The following ASXL1 variants were observed in gnomAD, a reference collection of about 807,000 sequenced individuals.
ASXL1 encodes polycomb group protein ASXL1.
ASXL1 carries 65 observed loss-of-function variants against 89.1 expected under a neutral mutation model. That is an observed-to-expected ratio of 0.73 (90% CI 0.60 to 0.90). The LOEUF is 0.90. ASXL1 is among the 40% of genes least tolerant of loss of function. ASXL1 has a pLI of 0.00. For missense variants in ASXL1, 1,786 were observed against 1,942.9 expected, an observed-to-expected ratio of 0.92 and a Z score of 1.52; for synonymous variants, 739 against 746.9, an observed-to-expected ratio of 0.99 and a Z score of 0.17.
intron 4 of ASXL1, among the ~76,000 whole-genome samples, chr20:32,384,205 T>G (rs971365243): frequency 6.6e-5 from 9 of 136,276 alleles, no homozygotes; most frequent in African/African-American, 2.4e-4. Flanking sequence ...TCTGTTTTTT[T>G]TTTTTTTTTT....
intron 4 of ASXL1, among the ~76,000 whole-genome samples, chr20:32,410,428 A>C (rs1168957211): frequency 2.0e-5 from 3 of 152,160 alleles, no homozygotes; most frequent in Non-Finnish European, 4.4e-5. Flanking sequence ...GGTGTGAGCC[A>C]CTGTGCCCAG....
At chr20:32,433,037 G>A (rs2123248902) in intron 11 of ASXL1, 52 bp downstream of exon 11, 1 of 1,606,104 alleles carries the variant, frequency 6.2e-7, no homozygotes, top group Non-Finnish European at 8.5e-7. Flanking sequence ...GGGGATAGAG[G>A]TAGATGGTCT....
chr20:32,397,792 T>C (rs2048796172), intron 4 of ASXL1, among the ~76,000 whole-genome samples: 1 of 152,252 alleles, frequency 6.6e-6, no homozygotes, highest in South Asian at 2.1e-4. Flanking sequence ...TGTCCTGGGC[T>C]GTGTGCGACC....
At chr20:32,415,456 G>A (rs1049150537) in intron 4 of ASXL1, among the ~76,000 whole-genome samples, 1 of 152,154 alleles carries the variant, frequency 6.6e-6, no homozygotes, top group Admixed American at 6.5e-5. Flanking sequence ...TCTGGAGTGG[G>A]AGAAGGGTGT....
chr20:32,434,696 G>A lies in ASXL1; in HGVS notation c.1984G>A (p.Gly662Ser), dbSNP rs2145360119. The change falls in exon 13 of 13, where the codon GGC becomes AGC. Residue 662 changes from glycine to serine, a missense_variant. Gly to Ser is a moderately conservative substitution (Grantham distance 56, BLOSUM62 0). Transcript: ENST00000375687. Reference sequence around the variant, plus strand: ...GGCCACCGATGAGGGAGGTGGCAGAGGCAGCAGCAGTGGTGATGGTGGTGA... The same window carrying A: ...GGCCACCGATGAGGGAGGTGGCAGAAGCAGCAGCAGTGGTGATGGTGGTGA... ...GGATDEGGGR[G>S]SSSGDGGEAC... The A allele has an allele frequency of 1.2e-6, 2 of 1,606,076 alleles. No individual in the cohort carries two copies. Among genetic ancestry groups the A allele is most frequent in the Non-Finnish European group, 8.5e-7 (1 of 1,176,546 alleles).
intron 4 of ASXL1, among the ~76,000 whole-genome samples, chr20:32,376,241 A>T (rs4911225): frequency 6.8e-6 from 1 of 147,994 alleles, no homozygotes; most frequent in Non-Finnish European, 1.5e-5. Context: ...TTTTATTTTT[A>T]TTTTATTTTA....
chr20:32,380,997 C>T (rs1362204273), intron 4 of ASXL1, among the ~76,000 whole-genome samples: 2 of 152,126 alleles, frequency 1.3e-5, no homozygotes, highest in African/African-American at 4.8e-5. Flanking sequence ...TCTAACTGGT[C>T]ATTATTCATT....
intron 4 of ASXL1, among the ~76,000 whole-genome samples, chr20:32,407,383 C>T (rs551930698): frequency 4.6e-5 from 7 of 152,112 alleles, no homozygotes; most frequent in Non-Finnish European, 8.8e-5. Context: ...TATACACACA[C>T]ATATACACAC....
chr20:32,408,702 G>A (rs2048996398), intron 4 of ASXL1, among the ~76,000 whole-genome samples: 1 of 152,156 alleles, frequency 6.6e-6, no homozygotes, highest in South Asian at 2.1e-4. Flanking sequence ...ATGTGTGTGA[G>A]CCACCATGCC....
intron 4 of ASXL1, among the ~76,000 whole-genome samples, chr20:32,389,464 A>G (rs932829229): frequency 2.0e-5 from 3 of 152,028 alleles, no homozygotes; most frequent in Admixed American, 6.6e-5. Context: ...TCTGGGGTGT[A>G]TATGTTGCTG....
intron 4 of ASXL1, among the ~76,000 whole-genome samples, chr20:32,414,727 TC>T (rs1209755610): frequency 3.9e-5 from 6 of 152,310 alleles, no homozygotes; most frequent in African/African-American, 1.4e-4. Context: ...AACTGATGGA[TC>T]CTGTGTTTGT....
At chr20:32,430,301 ATGCCTGCCTTGTACTGCATAGTAAG>A (rs1311394153) in intron 8 of ASXL1, 5 of 542,888 alleles carry the variant, frequency 9.2e-6, no homozygotes, top group Admixed American at 3.6e-5. Flanking sequence ...GGCCTAGTCT[ATGCCTGCCTTGTACTGCATAGTAAG>A]TGTTTGAGTG....
At chr20:32,428,743 C>G in intron 6 of ASXL1, 1 of 306,626 alleles carries the variant, frequency 3.3e-6, no homozygotes, top group East Asian at 8.1e-5. Context: ...TTACTGCAAC[C>G]TCTGCCTCTG....
At chr20:32,376,157 A>G (rs983474923) in intron 4 of ASXL1, among the ~76,000 whole-genome samples, 2 of 152,200 alleles carry the variant, frequency 1.3e-5, no homozygotes, top group African/African-American at 4.8e-5. Flanking sequence ...GAAGTTTTGC[A>G]TAGTGGTCGA....
At chr20:32,386,552 G>T (rs1463293503) in intron 4 of ASXL1, among the ~76,000 whole-genome samples, 1 of 151,962 alleles carries the variant, frequency 6.6e-6, no homozygotes, top group African/African-American at 2.4e-5. Context: ...GGAATAGCTG[G>T]GATTACAGGT....
rs990233366 is a variant in ASXL1, at chr20:32,372,313, C to T, written c.252+3190C>T. 7.5e-6 allele frequency: 9 copies of T among 1,202,016 alleles called. No individual in the cohort carries two copies. In the African/African-American group the frequency reaches 7.8e-5, roughly 10 times the overall value. 74.5% of individuals were successfully genotyped at this position (1,202,016 alleles called of 1,614,324 possible). On this transcript the variant is annotated intron_variant, in intron 4 of 12. Transcript: ENST00000375687. ...CTAATTGAATATTTGCTCAGTACCT[C>T]ATCTTAACTGCCTTTGGCTTTATGT... is the stretch of plus-strand genomic sequence containing the variant.
At chr20:32,408,177 C>G (rs545359832) in intron 4 of ASXL1, among the ~76,000 whole-genome samples, 4 of 152,202 alleles carry the variant, frequency 2.6e-5, no homozygotes, top group Admixed American at 2.6e-4. Context: ...AGGTGACCTG[C>G]CCGCTTCAGC....
chr20:32,404,593 G>A (rs543106431), intron 4 of ASXL1, among the ~76,000 whole-genome samples: 1 of 151,994 alleles, frequency 6.6e-6, no homozygotes, highest in African/African-American at 2.4e-5. Context: ...TAATAGGGCC[G>A]GTTTAATATA....
intron 4 of ASXL1, chr20:32,427,885 G>A: frequency 4.1e-6 from 2 of 486,546 alleles, no homozygotes; most frequent in Middle Eastern, 6.1e-4. Context: ...AACTAACATG[G>A]TATAGCTTAT....
Sources: allele counts gnomAD v4.1 joint callset (sites outside exome capture counted in the v4.1 genomes callset), GRCh38; gene constraint gnomAD v4.1.1; transcripts MANE v1.5; gene names NCBI Gene and HGNC (gene_info 2026-07-23, HGNC 2026-07-21).